GSK3B: variants seen among roughly 807,000 people sequenced by gnomAD.
GSK3B encodes glycogen synthase kinase-3 beta.
A neutral mutation model predicts 56.4 loss-of-function variants in GSK3B; 15 were observed. That is an observed-to-expected ratio of 0.27 (90% CI 0.18 to 0.41). The LOEUF (loss-of-function observed/expected upper bound fraction) is 0.41. Among genes scored for constraint, GSK3B ranks in the 10% least tolerant of loss-of-function variants. GSK3B has a pLI of 1.00. For synonymous variants in GSK3B, 181 were observed against 188.9 expected (o/e 0.96, Z 0.34); for missense variants, 300 against 513.4 (o/e 0.58, Z 4.02).
chr3:120,044,420 G>A (rs1171538447), intron 1 of GSK3B, among the ~76,000 whole-genome samples: 1 of 151,968 alleles, frequency 6.6e-6, no homozygotes, highest in Non-Finnish European at 1.5e-5. Context: ...CAAGTAACTG[G>A]AGCAGCACTT....
At chr3:119,999,420 G>A (rs138483218) in intron 2 of GSK3B, among the ~76,000 whole-genome samples, 396 of 152,238 alleles carry the variant, frequency 2.6e-3, no homozygotes, top group African/African-American at 8.4e-3. Flanking sequence ...AAATTTCTTT[G>A]TACTTAGGTT....
intron 7 of GSK3B, among the ~76,000 whole-genome samples, chr3:119,903,708 T>C (rs2056648794): frequency 6.6e-6 from 1 of 152,208 alleles, no homozygotes; most frequent in African/African-American, 2.4e-5. Flanking sequence ...ACTTGCATTA[T>C]GTATGAATTA....
chr3:119,870,505 T>G (rs2056237062), intron 8 of GSK3B, among the ~76,000 whole-genome samples: 1 of 152,220 alleles, frequency 6.6e-6, no homozygotes, highest in Non-Finnish European at 1.5e-5. Context: ...AATTATGTCT[T>G]ACTTAGTATT....
chr3:119,989,117 T>C (rs956878993), intron 2 of GSK3B, among the ~76,000 whole-genome samples: 1 of 152,126 alleles, frequency 6.6e-6, no homozygotes, highest in African/African-American at 2.4e-5. Flanking sequence ...GCCTCTAAGC[T>C]CCCCGACCAT....
intron 1 of GSK3B, among the ~76,000 whole-genome samples, chr3:120,059,981 A>C (rs1276760224): frequency 6.6e-6 from 1 of 152,246 alleles, no homozygotes; most frequent in Admixed American, 6.5e-5. Flanking sequence ...TATTCAAAAA[A>C]AATTTTACTG....
At chr3:119,980,228 T>C (rs2107449682) in intron 2 of GSK3B, among the ~76,000 whole-genome samples, 1 of 152,364 alleles carries the variant, frequency 6.6e-6, no homozygotes, top group Admixed American at 6.5e-5. Context: ...GTTGCCAGCA[T>C]ACCTTTTTGT....
chr3:120,059,084 GACATACAT>G (rs932573950), intron 1 of GSK3B, among the ~76,000 whole-genome samples: 1 of 150,130 alleles, frequency 6.7e-6, no homozygotes, highest in Non-Finnish European at 1.5e-5. Context: ...CCTTAAAAAA[GACATACAT>G]ACATACATAC....
At chr3:119,830,306 A>AC (rs1476138105) in intron 10 of GSK3B, among the ~76,000 whole-genome samples, 2 of 152,246 alleles carry the variant, frequency 1.3e-5, no homozygotes, top group African/African-American at 4.8e-5. Context: ...ATAACTCAAG[A>AC]AACAAATCTT....
chr3:119,897,200 G>C (rs550497959), intron 7 of GSK3B, among the ~76,000 whole-genome samples: 1 of 152,248 alleles, frequency 6.6e-6, no homozygotes, highest in Non-Finnish European at 1.5e-5. Context: ...ACATCGCCAG[G>C]AGTTATTTTT....
rs185413463 is a variant in GSK3B, at chr3:119,960,248, T to C, written c.283-12897A>G. On this transcript the variant is annotated intron_variant, in intron 2 of 10. Coordinates refer to ENST00000264235, the MANE Select transcript of GSK3B (RefSeq NM_001146156.2). Reference sequence around the variant, plus strand: ...TCTTGAAAGAAAAAAAGTTTGGAAATGGTAAACAGATTAGTGGTTACTGCC... The same window carrying C: ...TCTTGAAAGAAAAAAAGTTTGGAAACGGTAAACAGATTAGTGGTTACTGCC... 1.1e-3 allele frequency among the ~76,000 whole-genome samples: 166 copies of C among 147,774 alleles called. 3 individuals are homozygous for C. Among genetic ancestry groups the C allele is most frequent in the Admixed American group, 9.6e-3 (142 of 14,724 alleles).
chr3:119,887,188 G>A (rs918390265), intron 7 of GSK3B, among the ~76,000 whole-genome samples: 25 of 152,032 alleles, frequency 1.6e-4, no homozygotes, highest in African/African-American at 5.8e-4. Flanking sequence ...GGCTTGCATG[G>A]TATTATTATT....
chr3:119,926,007 G>A (rs1448736748), intron 3 of GSK3B, among the ~76,000 whole-genome samples: 4 of 151,628 alleles, frequency 2.6e-5, no homozygotes, highest in Non-Finnish European at 5.9e-5. Context: ...TACTTTTTTG[G>A]TTTTCATCCT....
chr3:120,055,723 T>A lies in GSK3B; in HGVS notation c.88+37624A>T, dbSNP rs372680081. Reference sequence around the variant, plus strand: ...AGTAACAACTGGGAAAAAGCAGATATGTCTACTGTTTCATCCTAGTCAGTC... The same window carrying A: ...AGTAACAACTGGGAAAAAGCAGATAAGTCTACTGTTTCATCCTAGTCAGTC... On this transcript the variant is annotated intron_variant, in intron 1 of 10. Coordinates refer to ENST00000264235, the MANE Select transcript of GSK3B (RefSeq NM_001146156.2). Among the ~76,000 whole-genome samples, 22 of 152,314 alleles carry A rather than the reference T, an allele frequency of 1.4e-4. No individual in the cohort carries two copies. The South Asian group carries it at 2.5e-3, about 17-fold the overall frequency.
intron 1 of GSK3B, among the ~76,000 whole-genome samples, chr3:120,088,906 C>T (rs1237155880): frequency 6.6e-6 from 1 of 152,238 alleles, no homozygotes; most frequent in African/African-American, 2.4e-5. Flanking sequence ...AAGTATGGAA[C>T]TGTGACAATA....
chr3:119,912,614 T>C (rs2056746126), intron 6 of GSK3B, 90 bp downstream of exon 6: 1 of 543,908 alleles, frequency 1.8e-6, no homozygotes, highest in African/African-American at 1.9e-5. Flanking sequence ...CATCTTTCCA[T>C]GGAAATAAAA....
At chr3:119,949,987 G>A (rs2057140839) in intron 2 of GSK3B, among the ~76,000 whole-genome samples, 1 of 151,562 alleles carries the variant, frequency 6.6e-6, no homozygotes, top group Admixed American at 6.6e-5. Flanking sequence ...AATGCATTTG[G>A]GAGTCATCTA....
chr3:120,029,003 C>T (rs2057953315), intron 1 of GSK3B: 1 of 612,122 alleles, frequency 1.6e-6, no homozygotes, highest in Non-Finnish European at 3.0e-6. Context: ...GCCTTTTATC[C>T]TTCTTTGTAT....
At chr3:119,877,808 T>C (rs532893955) in intron 7 of GSK3B, among the ~76,000 whole-genome samples, 1 of 152,264 alleles carries the variant, frequency 6.6e-6, no homozygotes, top group African/African-American at 2.4e-5. Flanking sequence ...CAAAAGAAAG[T>C]ACATGGACCT....
At chr3:119,958,546 T>C (rs1305220813) in intron 2 of GSK3B, among the ~76,000 whole-genome samples, 1 of 151,974 alleles carries the variant, frequency 6.6e-6, no homozygotes, top group Non-Finnish European at 1.5e-5. Flanking sequence ...GGCATGGTGA[T>C]GCACACCTGT....
Sources: allele counts gnomAD v4.1 joint callset (sites outside exome capture counted in the v4.1 genomes callset), GRCh38; gene constraint gnomAD v4.1.1; transcripts MANE v1.5; gene names NCBI Gene and HGNC (gene_info 2026-07-23, HGNC 2026-07-21).